The following THEMIS variants were observed in gnomAD, a reference collection of about 807,000 sequenced individuals.
THEMIS encodes thymocyte selection associated.
Under a neutral mutation model 52.6 loss-of-function variants are expected in THEMIS, and 37 were observed. The observed-to-expected ratio is 0.70, with a 90% CI of 0.54 to 0.93. THEMIS has a LOEUF of 0.93. THEMIS is among the 40% of genes least tolerant of loss of function. THEMIS has a pLI of 0.00. For missense variants in THEMIS, 808 were observed against 763.1 expected (o/e 1.06, Z -0.69); for synonymous variants, 292 against 272.7 (o/e 1.07, Z -0.70).
At chr6:127,904,564 A>G (rs1781221508), upstream of THEMIS, among the ~76,000 whole-genome samples, 1 of 152,124 alleles carries the variant, frequency 6.6e-6, no homozygotes, top group Non-Finnish European at 1.5e-5. Flanking sequence ...CCTCCTGTTG[A>G]GGAAAAGCAG....
chr6:127,750,401 C>T (rs1333743904), intron 4 of THEMIS, among the ~76,000 whole-genome samples: 4 of 151,736 alleles, frequency 2.6e-5, no homozygotes, highest in African/African-American at 7.2e-5. Flanking sequence ...TATTTTTATA[C>T]ATATCTCATA....
intron 2 of THEMIS, among the ~76,000 whole-genome samples, chr6:127,852,948 T>C (rs1779481489): frequency 6.6e-6 from 1 of 151,598 alleles, no homozygotes; most frequent in Non-Finnish European, 1.5e-5. Flanking sequence ...TAATTGGAAG[T>C]TCAAAAGAAT....
intron 2 of THEMIS, among the ~76,000 whole-genome samples, chr6:127,841,200 T>C (rs1037054319): frequency 2.0e-5 from 3 of 151,968 alleles, no homozygotes; most frequent in African/African-American, 7.2e-5. Flanking sequence ...ATATGGCATG[T>C]TGGGGGTCAG....
chr6:127,780,964 C>G (rs904150563), intron 4 of THEMIS, among the ~76,000 whole-genome samples: 2 of 152,112 alleles, frequency 1.3e-5, no homozygotes, highest in Admixed American at 1.3e-4. Context: ...GGAAGTTCTC[C>G]TGAATAATAT....
In THEMIS at chr6:127,788,689, A is replaced by C. The variant is rs989433122; in HGVS notation, c.1758+24194T>G. On this transcript the variant is annotated intron_variant, in intron 4 of 5. Transcript: ENST00000368248. ...AAAAATGATCACATCAGCAGAGATTATTTCTTTCATCATTAAAGAGGCAAT... is the reference window on the plus strand; with the variant it reads ...AAAAATGATCACATCAGCAGAGATTCTTTCTTTCATCATTAAAGAGGCAAT... Among the ~76,000 whole-genome samples the C allele has an allele frequency of 2.6e-5, 4 of 152,174 alleles. No individual in the cohort carries two copies. The East Asian group carries it at 7.7e-4, about 29-fold the overall frequency.
At chr6:127,706,500 T>C (rs1341088048), downstream of THEMIS, among the ~76,000 whole-genome samples, 2 of 152,024 alleles carry the variant, frequency 1.3e-5, no homozygotes, top group Non-Finnish European at 2.9e-5. Flanking sequence ...CAAACACATA[T>C]TGAGTGCCAG....
chr6:127,841,147 T>C (rs1232340037), intron 2 of THEMIS, among the ~76,000 whole-genome samples: 2 of 152,066 alleles, frequency 1.3e-5, no homozygotes, highest in Non-Finnish European at 2.9e-5. Context: ...GCAACAAATG[T>C]ACCACTCTAG....
At position 127,813,610 on chromosome 6, in the gene THEMIS, C is replaced by T. The variant is rs1343876032; in HGVS notation, c.1031G>A (p.Arg344Gln). ...IPTSYKGKFKRRPREFPTAYD... is the reference protein window; with the variant it reads ...IPTSYKGKFKQRPREFPTAYD... ...GGCCGTTGGGAACTCCCTCGGTCGC[C>T]GCTTGAACTTGCCTTTATAGCTAGT... The change falls in exon 4 of 6, where the codon CGG becomes CAG. Residue 344 changes from arginine to glutamine, a missense_variant. Coordinates refer to ENST00000368248, the MANE Select transcript of THEMIS (RefSeq NM_001010923.3). 1 of 1,614,022 alleles carries T rather than the reference C, an allele frequency of 6.2e-7. No individual in the cohort carries two copies. Among genetic ancestry groups the T allele is most frequent in the Admixed American group, 1.7e-5 (1 of 59,986 alleles).
intron 1 of THEMIS, among the ~76,000 whole-genome samples, chr6:127,876,745 A>C (rs577204841): frequency 9.8e-5 from 15 of 152,342 alleles, no homozygotes; most frequent in African/African-American, 3.6e-4. Context: ...AAACAAAACT[A>C]AACGAAAGCA....
At position 127,812,872 on chromosome 6, in the gene THEMIS, C is replaced by T. The variant is rs1777957619; in HGVS notation, c.1758+11G>A. On this transcript the variant is annotated intron_variant, in intron 4 of 5. Transcript: ENST00000368248. ...CACTCCAGAGAAAACATTGCAAAACCATAGCCTTACCTTGGGAGACTTGGG... is the reference window on the plus strand; with the variant it reads ...CACTCCAGAGAAAACATTGCAAAACTATAGCCTTACCTTGGGAGACTTGGG... 1 of 1,571,148 alleles carries T rather than the reference C, an allele frequency of 6.4e-7. No homozygotes were observed. Among genetic ancestry groups the T allele is most frequent in the Non-Finnish European group, 8.6e-7 (1 of 1,159,450 alleles).
chr6:127,829,101 TTTG>T (rs1778606200), intron 3 of THEMIS, among the ~76,000 whole-genome samples: 2 of 152,194 alleles, frequency 1.3e-5, no homozygotes, highest in Admixed American at 1.3e-4. Flanking sequence ...ATTTACCTCT[TTTG>T]TTGACCACCT....
At chr6:127,913,370 T>C (rs1304810896) in intron 1 of THEMIS, among the ~76,000 whole-genome samples, 1 of 152,218 alleles carries the variant, frequency 6.6e-6, no homozygotes, top group Non-Finnish European at 1.5e-5. Context: ...TTTTCCTTTG[T>C]TCCTGAATTC....
intron 4 of THEMIS, among the ~76,000 whole-genome samples, chr6:127,804,519 C>A (rs528103588): frequency 1.1e-4 from 16 of 152,246 alleles, no homozygotes; most frequent in Non-Finnish European, 1.9e-4. Context: ...CAGTAATGAG[C>A]AGCTGGTGTT....
At position 127,813,309 on chromosome 6, in the gene THEMIS, G is replaced by A. The variant is rs374913513; in HGVS notation, c.1332C>T (p.Tyr444=). 5.6e-6 allele frequency: 9 copies of A among 1,613,962 alleles called. No individual in the cohort carries two copies. Among genetic ancestry groups the A allele is most frequent in the African/African-American group, 5.3e-5 (4 of 74,906 alleles). ...FVEVIHDKKQ[Y]PISELCKQFR... is the part of the protein sequence containing the mutation. ...ACTGTTTACAGAGCTCAGAAATCGGGTACTGTTTCTTATCATGAATCACCT... is the reference window on the plus strand; with the variant it reads ...ACTGTTTACAGAGCTCAGAAATCGGATACTGTTTCTTATCATGAATCACCT... Residue 444 remains tyrosine (Y), a synonymous_variant, in exon 4 of 6, where the codon TAC becomes TAT. Transcript: ENST00000368248.
At chr6:127,913,690 C>G (rs1781459870) in intron 1 of THEMIS, among the ~76,000 whole-genome samples, 1 of 152,136 alleles carries the variant, frequency 6.6e-6, no homozygotes, top group African/African-American at 2.4e-5. Context: ...TTTTAATCAC[C>G]AAAGCATTAT....
chr6:127,739,402 C>T (rs909569109), intron 4 of THEMIS, among the ~76,000 whole-genome samples: 3 of 152,186 alleles, frequency 2.0e-5, no homozygotes, highest in Non-Finnish European at 4.4e-5. Flanking sequence ...AATCCCAGCA[C>T]TTTGGGAGGC....
Position 127,791,849 on chromosome 6 carries a change from C to T in THEMIS, c.1758+21034G>A, listed in dbSNP as rs568621234. Among the ~76,000 whole-genome samples, 8 of 152,302 alleles carry T rather than the reference C, an allele frequency of 5.3e-5. No homozygotes were observed. In the East Asian group the frequency reaches 5.8e-4, roughly 11 times the overall value. ...CAAGCGTGCACACACCCAGCCGAGT[C>T]GTGACAGCCCCCAGGCTTGGCCACA... On this transcript the variant is annotated intron_variant, in intron 4 of 5. Transcript: ENST00000368248.
chr6:127,801,659 T>A (rs946826832), intron 4 of THEMIS, among the ~76,000 whole-genome samples: 2 of 152,130 alleles, frequency 1.3e-5, no homozygotes, highest in African/African-American at 2.4e-5. Flanking sequence ...GCCATCAGCC[T>A]TTCCACCTTT....
intron 4 of THEMIS, among the ~76,000 whole-genome samples, chr6:127,795,585 C>T (rs1777303144): frequency 6.6e-6 from 1 of 152,188 alleles, no homozygotes. Context: ...GCCTCGGCCT[C>T]CCAAAGTGCT....
Sources: gnomAD v4.1 joint callset for allele counts (sites outside exome capture counted in the v4.1 genomes callset) on GRCh38, gnomAD v4.1.1 for gene constraint, MANE v1.5 for transcripts, NCBI Gene and HGNC (gene_info 2026-07-23, HGNC 2026-07-21) for gene names.